CLOCK: variants seen among roughly 807,000 people sequenced by gnomAD.
CLOCK encodes the protein clock circadian regulator.
CLOCK carries 43 observed loss-of-function variants against 118.4 expected under a neutral mutation model. The ratio of observed to expected loss-of-function variants is 0.36; its 90% CI spans 0.28 to 0.47. The LOEUF (loss-of-function observed/expected upper bound fraction) is 0.47, where lower values mean the gene tolerates loss of function less well. CLOCK is among the 20% of genes least tolerant of loss of function. The probability of loss-of-function intolerance (pLI) is 1.00; values close to 1 mark genes in which losing one functional copy is unlikely to be tolerated. For missense variants in CLOCK, 846 were observed against 999.9 expected, an observed-to-expected ratio of 0.85 and a Z score of 2.08; for synonymous variants, 326 against 339.2, an observed-to-expected ratio of 0.96 and a Z score of 0.43.
intron 11 of CLOCK, among the ~76,000 whole-genome samples, chr4:55,458,217 T>C (rs1205154607): frequency 6.6e-6 from 1 of 152,174 alleles, no homozygotes; most frequent in Non-Finnish European, 1.5e-5. Context: ...TGTAACACCA[T>C]GCCTGGCTAA....
At chr4:55,539,240 C>T (rs200200164) in intron 1 of CLOCK, among the ~76,000 whole-genome samples, 1 of 64,070 alleles carries the variant, frequency 1.6e-5, no homozygotes, top group South Asian at 6.7e-4. Flanking sequence ...CTCAAAAAAA[C>T]AACAACAACA....
At chr4:55,501,605 T>C (rs946356656) in intron 2 of CLOCK, 11 of 152,120 alleles carry the variant, frequency 7.2e-5, no homozygotes, top group African/African-American at 1.9e-4. Context: ...TTTAAATTTG[T>C]CAAGTGCAGT....
chr4:55,448,910 C>T, intron 17 of CLOCK, 42 bp from the exon 18 acceptor site: 1 of 1,398,258 alleles, frequency 7.2e-7, no homozygotes, highest in Non-Finnish European at 1.0e-6. Context: ...ATTCTCATTC[C>T]CATACATGAG....
At chr4:55,506,541 T>G (rs928475832) in intron 2 of CLOCK, among the ~76,000 whole-genome samples, 2 of 152,102 alleles carry the variant, frequency 1.3e-5, no homozygotes, top group African/African-American at 4.8e-5. Context: ...AGTGGCTTTT[T>G]AGCATATGGT....
At chr4:55,505,109 A>G (rs937393925) in intron 2 of CLOCK, among the ~76,000 whole-genome samples, 6 of 151,762 alleles carry the variant, frequency 4.0e-5, no homozygotes, top group Non-Finnish European at 8.8e-5. Context: ...GTAAGCTGAG[A>G]CAATGCCAGC....
chr4:55,453,163 C>G (rs771558938), intron 14 of CLOCK, 34 bp from the exon 15 acceptor site: 1 of 1,546,986 alleles, frequency 6.5e-7, no homozygotes. Context: ...ATTTTAGTGT[C>G]TGGTCATTCG....
chr4:55,483,794 A>C (rs1727100682), intron 3 of CLOCK, among the ~76,000 whole-genome samples: 1 of 152,234 alleles, frequency 6.6e-6, no homozygotes, highest in Admixed American at 6.5e-5. Flanking sequence ...GGCAAAGGCA[A>C]GTCAAGTACA....
rs554854728 is a variant in CLOCK at position 55,431,757 on chromosome 4, T to G, written c.*3658A>C. 6.6e-6 allele frequency: 1 copy of G among 152,368 alleles called. No homozygotes were observed. Among genetic ancestry groups the G allele is most frequent in the Admixed American group, 6.5e-5 (1 of 15,308 alleles). The allele number at this position is 152,368 out of a possible 1,614,324, so 9.4% of individuals were successfully genotyped here. ...AAGTAAAATGCTATTTGCATTCCAC[T>G]TTTAAAAAGTTTGCCTCAATGTAGT... On this transcript the variant is annotated 3_prime_UTR_variant, in exon 23 of 23. Coordinates refer to ENST00000513440, the MANE Select transcript of CLOCK (RefSeq NM_004898.4).
intron 1 of CLOCK, among the ~76,000 whole-genome samples, chr4:55,534,166 C>A (rs11133397): frequency 0.34 from 51,356 of 151,890 alleles, 9,373 homozygotes; most frequent in East Asian, 0.58. Flanking sequence ...TAATATGCAG[C>A]GAGTCAAGTG....
At chr4:55,504,022 C>T (rs1372708356) in intron 2 of CLOCK, among the ~76,000 whole-genome samples, 2 of 138,590 alleles carry the variant, frequency 1.4e-5, no homozygotes, top group Non-Finnish European at 3.1e-5. Flanking sequence ...CAGTGGCTCA[C>T]GCCTGTAATC....
Position 55,449,294 on chromosome 4 carries a change from T to G in CLOCK, c.1449+102A>C. 2.8e-6 allele frequency: 3 copies of G among 1,088,988 alleles called. No homozygotes were observed. In the South Asian group the frequency reaches 3.8e-5, roughly 14 times the overall value. The allele number at this position is 1,088,988 out of a possible 1,614,324, so 67.5% of individuals were successfully genotyped here. ...TCACATATCAGTAACTATTTTGATC[T>G]TTACAAAGAGGGGTGACAAATAGAT... On this transcript the variant is annotated intron_variant, in intron 17 of 22. Transcript: ENST00000513440.
intron 3 of CLOCK, among the ~76,000 whole-genome samples, chr4:55,484,111 A>G (rs763505945): frequency 6.6e-5 from 10 of 152,334 alleles, no homozygotes; most frequent in Non-Finnish European, 8.8e-5. Flanking sequence ...AAAGGAAAGG[A>G]GAATAACCCT....
At chr4:55,479,877 T>C (rs1239880556) in intron 4 of CLOCK, among the ~76,000 whole-genome samples, 178 bp from the exon 5 acceptor site, 1 of 152,192 alleles carries the variant, frequency 6.6e-6, no homozygotes, top group Non-Finnish European at 1.5e-5. Context: ...CAGTAATAAT[T>C]ATATTTTTAA....
chr4:55,479,674 A>G lies in CLOCK; in HGVS notation c.73T>C (p.Leu25=). 1 of 1,612,900 alleles carries G rather than the reference A, an allele frequency of 6.2e-7. No homozygotes were observed. Among genetic ancestry groups the G allele is most frequent in the Non-Finnish European group, 8.5e-7 (1 of 1,179,234 alleles). The change falls in exon 5 of 23, where the codon TTG becomes CTG. Residue 25 remains leucine, a synonymous_variant. Coordinates refer to ENST00000513440, the MANE Select transcript of CLOCK (RefSeq NM_004898.4). The part of the protein sequence containing the change: ...DRDDSSIFDG[L]VEEDDKDKAK... ...TTGTCCTTGTCATCTTCTTCCACCA[A>G]CCCATCAAAAATACTACTGTCATCT...
At chr4:55,482,436 G>T (rs765763893) in intron 4 of CLOCK, among the ~76,000 whole-genome samples, 2 of 152,158 alleles carry the variant, frequency 1.3e-5, no homozygotes, top group Non-Finnish European at 2.9e-5. Context: ...ACTCCAGAAG[G>T]TTCCAAGGAA....
chr4:55,513,451 G>A (rs1037173996), intron 1 of CLOCK, among the ~76,000 whole-genome samples: 5 of 152,074 alleles, frequency 3.3e-5, no homozygotes, highest in Admixed American at 6.6e-5. Flanking sequence ...ACACATGACT[G>A]TACTGATGTG....
chr4:55,471,307 T>C (rs1320081945), intron 7 of CLOCK, among the ~76,000 whole-genome samples: 3 of 152,184 alleles, frequency 2.0e-5, no homozygotes, highest in Non-Finnish European at 2.9e-5. Flanking sequence ...GCTGAGTTCA[T>C]ATCATAAAAG....
intron 1 of CLOCK, among the ~76,000 whole-genome samples, chr4:55,526,976 C>T (rs1214866553): frequency 4.1e-5 from 6 of 147,814 alleles, no homozygotes; most frequent in South Asian, 2.1e-4. Flanking sequence ...CTAAAAACTC[C>T]GTAATGAGGC....
intron 1 of CLOCK, among the ~76,000 whole-genome samples, chr4:55,541,152 CA>C (rs1731245192): frequency 1.3e-5 from 2 of 151,990 alleles, no homozygotes; most frequent in Admixed American, 1.3e-4. Flanking sequence ...TTTGCATAAT[CA>C]AAAAAATGGA....
Sources: gnomAD v4.1 joint callset for allele counts (sites outside exome capture counted in the v4.1 genomes callset) on GRCh38, gnomAD v4.1.1 for gene constraint, MANE v1.5 for transcripts, NCBI Gene and HGNC (gene_info 2026-07-23, HGNC 2026-07-21) for gene names.